TRMT11: variants seen among roughly 807,000 people sequenced by gnomAD.
TRMT11 encodes tRNA methyltransferase 11, also known as tRNA (guanine(10)-N(2))-methyltransferase TRMT11.
A neutral mutation model predicts 62.8 loss-of-function variants in TRMT11; 53 were observed. That is an observed-to-expected ratio of 0.84 (90% confidence interval 0.68 to 1.06). The LOEUF (loss-of-function observed/expected upper bound fraction) is 1.06. Among genes scored for constraint, TRMT11 ranks in the 50% least tolerant of loss-of-function variants. TRMT11 has a pLI of 0.00. For missense variants in TRMT11, 556 were observed against 553.4 expected (o/e 1.00, Z -0.05); for synonymous variants, 188 against 190.3 (o/e 0.99, Z 0.10).
At chr6:126,071,085 C>T (rs1423936665) in intron 17 of TRMT11, among the ~76,000 whole-genome samples, 1 of 152,108 alleles carries the variant, frequency 6.6e-6, no homozygotes, top group Non-Finnish European at 1.5e-5. Context: ...CCTTCTTACG[C>T]CCTCAACTCT....
intron 2 of TRMT11, 62 bp downstream of exon 2, chr6:125,993,884 GAGA>G: frequency 6.4e-6 from 6 of 937,806 alleles, no homozygotes; most frequent in South Asian, 6.2e-5. Context: ...TGGGTTTGAA[GAGA>G]AGAAGTGCAT....
At chr6:126,257,056 T>G in the TRMT11 span, among the ~76,000 whole-genome samples, 1 of 151,974 alleles carries the variant, frequency 6.6e-6, no homozygotes. Context: ...CGGCTAATTT[T>G]TGTTTTTTTA....
intron 21 of TRMT11, among the ~76,000 whole-genome samples, chr6:126,151,854 C>CTTTCT (rs1778053024): frequency 8.0e-6 from 1 of 125,474 alleles, no homozygotes. Context: ...TTCTTTCTTT[C>CTTTCT]TTTCTTTCTT....
intron 21 of TRMT11, among the ~76,000 whole-genome samples, chr6:126,146,579 G>A (rs953254864): frequency 3.3e-5 from 5 of 151,260 alleles, no homozygotes; most frequent in Admixed American, 6.6e-5. Flanking sequence ...GTGCAATAGC[G>A]TGATCTCGGC....
chr6:126,131,857 A>T (rs1777787726), intron 21 of TRMT11, among the ~76,000 whole-genome samples: 1 of 151,988 alleles, frequency 6.6e-6, no homozygotes, highest in Non-Finnish European at 1.5e-5. Context: ...GATGAGTATG[A>T]TATAAAACCT....
intron 17 of TRMT11, among the ~76,000 whole-genome samples, chr6:126,105,552 G>A (rs919727936): frequency 2.6e-5 from 4 of 152,018 alleles, no homozygotes; most frequent in African/African-American, 7.2e-5. Flanking sequence ...GTTCGGAGAC[G>A]GAGGCCTCGG....
chr6:126,133,750 A>G lies in TRMT11; in HGVS notation c.*1823+17895A>G, dbSNP rs143802039. Among the ~76,000 whole-genome samples the G allele has an allele frequency of 1.6e-3, 243 of 152,114 alleles. 1 individual carries two copies. The highest frequency in any genetic ancestry group is 8.5e-3 in the South Asian group (41 of 4,830). On this transcript the variant is annotated intron_variant and NMD_transcript_variant, in intron 21 of 22. Transcript: ENST00000648977. ...AGGGTATATACAGACAATGTCCCTG[A>G]AGAGTTGGGTGAGAGATAAAGCCCT...
chr6:126,020,082 A>G (rs1297556431), intron 11 of TRMT11, among the ~76,000 whole-genome samples: 1 of 152,244 alleles, frequency 6.6e-6, no homozygotes, highest in Non-Finnish European at 1.5e-5. Flanking sequence ...GTTGAAGGTC[A>G]GTGGGACCTA....
At chr6:126,077,238 T>G (rs756055100) in intron 17 of TRMT11, among the ~76,000 whole-genome samples, 27 of 152,212 alleles carry the variant, frequency 1.8e-4, no homozygotes, top group Non-Finnish European at 3.5e-4. Context: ...CTTTATTTAG[T>G]GTTCTAAATC....
At chr6:126,201,916 G>A (rs931022934) in intron 3 of TRMT11, 4 of 152,110 alleles carry the variant, frequency 2.6e-5, no homozygotes, top group African/African-American at 9.7e-5. Flanking sequence ...GTTCAATGGT[G>A]CGTTATTCTA....
chr6:126,219,402 G>A, the TRMT11 span, among the ~76,000 whole-genome samples: 1 of 152,230 alleles, frequency 6.6e-6, no homozygotes, highest in Admixed American at 6.5e-5. Flanking sequence ...GTACCTGCAA[G>A]TTTAGTCTCT....
intron 21 of TRMT11, among the ~76,000 whole-genome samples, chr6:126,141,649 C>T (rs1777918272): frequency 6.6e-6 from 1 of 152,096 alleles, no homozygotes; most frequent in Admixed American, 6.6e-5. Flanking sequence ...AGTTAACCAA[C>T]TTAAATCCGT....
At chr6:125,997,707 C>T (rs913829939) in intron 3 of TRMT11, among the ~76,000 whole-genome samples, 1 of 152,140 alleles carries the variant, frequency 6.6e-6, no homozygotes, top group Non-Finnish European at 1.5e-5. Context: ...CAAGGTTTTA[C>T]TATGTTGCCC....
intron 1 of TRMT11, among the ~76,000 whole-genome samples, chr6:125,989,473 G>A (rs996423865): frequency 2.6e-5 from 4 of 152,106 alleles, no homozygotes; most frequent in African/African-American, 4.8e-5. Flanking sequence ...TTTTAAGCCA[G>A]GAAGTGACAA....
intron 7 of TRMT11, among the ~76,000 whole-genome samples, chr6:126,005,196 G>C (rs986081704): frequency 6.6e-6 from 1 of 152,080 alleles, no homozygotes; most frequent in African/African-American, 2.4e-5. Context: ...TATTAACAGA[G>C]TGTGTAGCTT....
intron 17 of TRMT11, among the ~76,000 whole-genome samples, chr6:126,094,231 C>CA (rs1490752024): frequency 6.6e-6 from 1 of 152,156 alleles, no homozygotes; most frequent in East Asian, 1.9e-4. Flanking sequence ...TCCACAGTGA[C>CA]AAAATCTCAT....
intron 17 of TRMT11, among the ~76,000 whole-genome samples, chr6:126,101,050 G>A (rs946260468): frequency 6.6e-6 from 1 of 152,114 alleles, no homozygotes; most frequent in African/African-American, 2.4e-5. Context: ...CATTACTCAG[G>A]GGTAATGTGA....
At chr6:126,145,238 G>C (rs778939262) in intron 21 of TRMT11, among the ~76,000 whole-genome samples, 3 of 152,192 alleles carry the variant, frequency 2.0e-5, no homozygotes, top group Non-Finnish European at 4.4e-5. Flanking sequence ...CTTACATTAA[G>C]TGTGAATGAG....
intron 16 of TRMT11, among the ~76,000 whole-genome samples, chr6:126,045,393 G>A (rs1776023411): frequency 6.6e-6 from 1 of 152,118 alleles, no homozygotes; most frequent in Non-Finnish European, 1.5e-5. Flanking sequence ...ATAGCTTTCT[G>A]GAAGAGGAGG....
Sources: gnomAD v4.1 joint callset for allele counts (sites outside exome capture counted in the v4.1 genomes callset) on GRCh38, gnomAD v4.1.1 for gene constraint, MANE v1.5 for transcripts, NCBI Gene and HGNC (gene_info 2026-07-23, HGNC 2026-07-21) for gene names.